Variants in CD109 observed in about 807,000 individuals in gnomAD.
CD109 encodes CD109 molecule.
In CD109, 149 loss-of-function variants were observed where a neutral mutation model predicts 165.8. The ratio of observed to expected loss-of-function variants is 0.90; its 90% CI spans 0.79 to 1.03. The LOEUF is 1.03. Among genes scored for constraint, CD109 ranks in the 50% least tolerant of loss-of-function variants. CD109 has a pLI of 0.00. For missense variants in CD109, 1,712 were observed against 1,677.8 expected (o/e 1.02, Z -0.36); for synonymous variants, 585 against 592.1 (o/e 0.99, Z 0.18).
chr6:73,807,146 G>A, intron 25 of CD109, 74 bp downstream of exon 25: 1 of 1,063,390 alleles, frequency 9.4e-7, no homozygotes, highest in Non-Finnish European at 1.4e-6. Context: ...TCAAATATGT[G>A]TGTGGAAACT....
upstream of CD109, among the ~76,000 whole-genome samples, chr6:73,691,436 C>A (rs1770687801): frequency 6.6e-6 from 1 of 152,220 alleles, no homozygotes; most frequent in Non-Finnish European, 1.5e-5. Context: ...TACTAATGTG[C>A]CAGTTCACTT....
chr6:73,744,175 A>G (rs1772894967), intron 5 of CD109, among the ~76,000 whole-genome samples: 1 of 152,210 alleles, frequency 6.6e-6, no homozygotes, highest in Admixed American at 6.5e-5. Context: ...CAGATATTTA[A>G]AAAAATGTCT....
intron 22 of CD109, among the ~76,000 whole-genome samples, chr6:73,791,215 A>ATG (rs1774951427): frequency 7.7e-6 from 1 of 129,886 alleles, no homozygotes; most frequent in African/African-American, 3.2e-5. Flanking sequence ...ATATATATAT[A>ATG]TATATAATTT....
At chr6:73,808,805 GGTGTGTGTGT>G (rs10552233) in intron 26 of CD109, among the ~76,000 whole-genome samples, 6,868 of 145,962 alleles carry the variant, frequency 0.047, 501 homozygotes, top group African/African-American at 0.16. Context: ...CAGGGATCCA[GGTGTGTGTGT>G]GTGTGTGTGT....
At chr6:73,803,735 T>C (rs1000811387) in intron 24 of CD109, among the ~76,000 whole-genome samples, 1 of 151,564 alleles carries the variant, frequency 6.6e-6, no homozygotes, top group Non-Finnish European at 1.5e-5. Context: ...CTGATGGAAT[T>C]AAGTATGAAC....
chr6:73,709,744 T>C (rs1257424881), intron 2 of CD109, among the ~76,000 whole-genome samples: 4 of 152,186 alleles, frequency 2.6e-5, no homozygotes, highest in Non-Finnish European at 5.9e-5. Context: ...TTATCCACCA[T>C]GATCAAGTGG....
intron 28 of CD109, 77 bp downstream of exon 28, chr6:73,811,224 G>GT: frequency 2.1e-6 from 3 of 1,447,984 alleles, no homozygotes; most frequent in Non-Finnish European, 2.8e-6. Flanking sequence ...TTTGTAATCT[G>GT]TTGATTTCAA....
chr6:73,733,856 C>T (rs957023809), intron 4 of CD109, among the ~76,000 whole-genome samples: 1 of 152,194 alleles, frequency 6.6e-6, no homozygotes, highest in African/African-American at 2.4e-5. Context: ...ATAGTCCTCA[C>T]AGACATATTC....
the CD109 span, among the ~76,000 whole-genome samples, chr6:73,679,611 TTTTTC>T: frequency 2.7e-5 from 4 of 147,900 alleles, no homozygotes; most frequent in South Asian, 2.2e-4. Context: ...ATCATAGATG[TTTTTC>T]TTTTCTTTTC....
Position 73,803,198 on chromosome 6 carries a change from ATCTG to A in CD109, c.2879-18_2879-15del, listed in dbSNP as rs1775434384. The A allele has an allele frequency of 2.6e-6, 4 of 1,523,210 alleles. No homozygotes were observed. The highest frequency in any genetic ancestry group is 1.1e-5 in the South Asian group (1 of 88,840). The allele number at this position is 1,523,210 out of a possible 1,614,324, so 94.4% of individuals were successfully genotyped here. A position where few individuals can be genotyped will look rare whatever the true frequency, so the allele number is the denominator to read the frequency against. ...TTGCAAGTTAATGATTACTTTGACTATCTGTCTATTTTTGTGTCTAGGTTACCAG... is the reference window on the plus strand; with the variant it reads ...TTGCAAGTTAATGATTACTTTGACTATCTATTTTTGTGTCTAGGTTACCAG... On this transcript the variant is annotated intron_variant, in intron 23 of 32. Transcript: ENST00000287097.
intron 10 of CD109, 47 bp downstream of exon 10, chr6:73,763,732 A>G (rs780713823): frequency 1.0e-5 from 9 of 870,122 alleles, no homozygotes; most frequent in Non-Finnish European, 1.6e-5. Context: ...AGTTCAGCTT[A>G]ATGAAATAGA....
intron 11 of CD109, 152 bp from the exon 12 acceptor site, chr6:73,766,607 T>C: frequency 1.7e-6 from 1 of 583,270 alleles, no homozygotes; most frequent in South Asian, 2.1e-5. Flanking sequence ...AGCTATAAAA[T>C]GATGAAAATC....
At chr6:73,688,275 A>C in the CD109 span, among the ~76,000 whole-genome samples, 2 of 152,180 alleles carry the variant, frequency 1.3e-5, no homozygotes, top group African/African-American at 4.8e-5. Flanking sequence ...TCTGCCCCCC[A>C]GTCCCTGGCA....
At chr6:73,759,462 C>T (rs1414718150) in intron 7 of CD109, among the ~76,000 whole-genome samples, 2 of 152,074 alleles carry the variant, frequency 1.3e-5, no homozygotes, top group Non-Finnish European at 2.9e-5. Context: ...AGGCATGTTC[C>T]ACCACTCCTG....
At chr6:73,737,151 T>C (rs868193683) in intron 5 of CD109, among the ~76,000 whole-genome samples, 2 of 152,366 alleles carry the variant, frequency 1.3e-5, no homozygotes, top group South Asian at 4.1e-4. Flanking sequence ...AAATTGGTCA[T>C]TTAGTATATA....
chr6:73,779,117 C>T (rs1464468862), intron 15 of CD109, among the ~76,000 whole-genome samples: 2 of 152,224 alleles, frequency 1.3e-5, no homozygotes, highest in Admixed American at 6.5e-5. Context: ...CTCTAGTCTA[C>T]TTCTGTCTTT....
intron 3 of CD109, among the ~76,000 whole-genome samples, chr6:73,725,504 C>CTTTTTTTTTTTTTTTT (rs386407559): frequency 2.6e-4 from 23 of 89,428 alleles, no homozygotes; most frequent in African/African-American, 5.3e-4. Flanking sequence ...TACTACACTT[C>CTTTTTTTTTTTTTTTT]TTTTTTTTTT....
chr6:73,799,088 G>A (rs1294241432), intron 23 of CD109, among the ~76,000 whole-genome samples: 2 of 152,022 alleles, frequency 1.3e-5, no homozygotes, highest in African/African-American at 4.8e-5. Context: ...GAGGGAGAAT[G>A]TCCTGGACTC....
chr6:73,792,328 C>T (rs79386001), intron 22 of CD109, among the ~76,000 whole-genome samples: 1,602 of 152,202 alleles, frequency 0.011, 28 homozygotes, highest in African/African-American at 0.036. Context: ...CAATTCTGTA[C>T]ATTTTTTTAA....
Sources: gnomAD v4.1 joint callset for allele counts (sites outside exome capture counted in the v4.1 genomes callset) on GRCh38, gnomAD v4.1.1 for gene constraint, MANE v1.5 for transcripts, NCBI Gene and HGNC (gene_info 2026-07-23, HGNC 2026-07-21) for gene names.